FAAP100: variants seen among roughly 807,000 people sequenced by gnomAD.
FAAP100 encodes the protein FA core complex associated protein 100.
In FAAP100, 46 loss-of-function variants were observed where a neutral mutation model predicts 65.8. The observed-to-expected ratio is 0.70, with a 90% CI of 0.55 to 0.89. The LOEUF is 0.89. Among genes scored for constraint, FAAP100 ranks in the 40% least tolerant of loss-of-function variants. The pLI is 0.00. For missense variants in FAAP100, 1,165 were observed against 1,196.7 expected, an observed-to-expected ratio of 0.97 and a Z score of 0.39; for synonymous variants, 663 against 555.1, an observed-to-expected ratio of 1.19 and a Z score of -2.73.
rs576168698 is a variant in FAAP100, at chr17:81,550,870, C to A, written c.624G>T (p.Pro208=). ...CSVSPSGSRV[P]HDLLGGSGGF... ...CCCCGGAGCCCCCGAGGAGGTCGTG[C>A]GGGACCCTGGAGCCTGATGGTGACA... Residue 208 remains proline (P), a synonymous_variant, in exon 3 of 9, where the codon CCG becomes CCT. Transcript: ENST00000327787. 6.2e-7 allele frequency: 1 copy of A among 1,611,930 alleles called. No individual in the cohort carries two copies. The highest frequency in any genetic ancestry group is 8.5e-7 in the Non-Finnish European group (1 of 1,179,564).
At chr17:81,545,196 C>T (rs1451261038) in intron 6 of FAAP100, among the ~76,000 whole-genome samples, 1 of 152,242 alleles carries the variant, frequency 6.6e-6, no homozygotes, top group Non-Finnish European at 1.5e-5. Context: ...AGTGCAGACT[C>T]TGAGCCCCAG....
At position 81,540,524 on chromosome 17, in the gene FAAP100, G is replaced by A; in HGVS notation, c.*295C>T. 4.7e-6 allele frequency: 2 copies of A among 423,138 alleles called. No individual in the cohort carries two copies. The highest frequency in any genetic ancestry group is 1.7e-4 in the South Asian group (2 of 11,902). 26.2% of individuals were successfully genotyped at this position (423,138 alleles called of 1,614,324 possible). ...GGTGGTGGGAAGGCTGCCCAGCAGTGAGGAAGGCGAGTGCAGGGGCTGCGG... is the reference window on the plus strand; with the variant it reads ...GGTGGTGGGAAGGCTGCCCAGCAGTAAGGAAGGCGAGTGCAGGGGCTGCGG... On this transcript the variant is annotated 3_prime_UTR_variant, in exon 9 of 9. Coordinates refer to ENST00000327787, the MANE Select transcript of FAAP100 (RefSeq NM_025161.6).
At chr17:81,547,843 C>A in intron 4 of FAAP100, 165 bp from the exon 5 acceptor site, 1 of 880,164 alleles carries the variant, frequency 1.1e-6, no homozygotes, top group Non-Finnish European at 1.8e-6. Context: ...GCATGTTTCT[C>A]CCGGCCCCAC....
chr17:81,547,378 G>C lies in FAAP100; in HGVS notation c.1704C>G (p.Pro568=), dbSNP rs1413655321. ...SACSAITYTI[P]VDQLGPGARR... ...GAGCACCGGGGCCGAGCTGGTCCAC[G>C]GGGATGGTGTAGGTGATGGCGGAGC... Residue 568 remains proline, a synonymous_variant, in exon 5 of 9, where the codon CCC becomes CCG. Transcript: ENST00000327787. 4 of 1,612,864 alleles carry C rather than the reference G, an allele frequency of 2.5e-6. No homozygotes were observed. The South Asian group carries it at 4.4e-5, about 18-fold the overall frequency.
At position 81,552,043 on chromosome 17, in the gene FAAP100, G is replaced by C. The variant is rs919697767; in HGVS notation, c.175C>G (p.Arg59Gly). The C allele has an allele frequency of 2.0e-6, 3 of 1,527,542 alleles. No individual in the cohort carries two copies. Among genetic ancestry groups the C allele is most frequent in the African/African-American group, 1.4e-5 (1 of 69,602 alleles). The allele number at this position is 1,527,542 out of a possible 1,614,324, so 94.6% of individuals were successfully genotyped here. A position where few individuals can be genotyped will look rare whatever the true frequency, so the allele number is the denominator to read the frequency against. Residue 59 changes from arginine (R) to glycine (G), a missense_variant, in exon 2 of 9, where the codon CGG (arginine) becomes GGG (glycine). Coordinates refer to ENST00000327787, the MANE Select transcript of FAAP100 (RefSeq NM_025161.6). ...QEGGLLTAAF[R>G]FPDQVWHLEL... Reference sequence around the variant, plus strand: ...AGGTGCCACACCTGGTCGGGGAACCGGAACGCCGCCTGCGGACCGGGGCGC... The same window carrying C: ...AGGTGCCACACCTGGTCGGGGAACCCGAACGCCGCCTGCGGACCGGGGCGC...
chr17:81,540,223 C>A lies in FAAP100; in HGVS notation c.*596G>T, dbSNP rs1691075570. On this transcript the variant is annotated 3_prime_UTR_variant, in exon 9 of 9. Transcript: ENST00000327787. Reference sequence around the variant, plus strand: ...TTGGTGTGGCACGAGACCACGGGCACTTGCAGGAGCTCCCTGCATGCTGTT... The same window carrying A: ...TTGGTGTGGCACGAGACCACGGGCAATTGCAGGAGCTCCCTGCATGCTGTT... 1 of 398,908 alleles carries A rather than the reference C, an allele frequency of 2.5e-6. No individual in the cohort carries two copies. The highest frequency in any genetic ancestry group is 4.4e-6 in the Non-Finnish European group (1 of 226,208). The allele number at this position is 398,908 out of a possible 1,614,324, so 24.7% of individuals were successfully genotyped here.
chr17:81,549,130 G>A, intron 4 of FAAP100, 76 bp downstream of exon 4: 1 of 1,544,098 alleles, frequency 6.5e-7, no homozygotes, highest in East Asian at 2.4e-5. Flanking sequence ...TCACACCCAG[G>A]ACGACCCCAC....
chr17:81,548,814 C>T (rs949552520), intron 4 of FAAP100, among the ~76,000 whole-genome samples: 4 of 151,448 alleles, frequency 2.6e-5, no homozygotes, highest in Admixed American at 6.6e-5. Context: ...CTGAGGCAGA[C>T]GGATCACGAG....
intron 6 of FAAP100, 91 bp downstream of exon 6, chr17:81,545,655 C>G: frequency 6.8e-7 from 1 of 1,469,076 alleles, no homozygotes; most frequent in African/African-American, 1.4e-5. Context: ...AGGCCCCCAC[C>G]CAGGGTGAGG....
chr17:81,545,803 T>C lies in FAAP100; in HGVS notation c.2253A>G (p.Leu751=). Residue 751 remains leucine (L), a synonymous_variant, in exon 6 of 9, where the codon CTA becomes CTG. Coordinates refer to ENST00000327787, the MANE Select transcript of FAAP100 (RefSeq NM_025161.6). The part of the protein sequence containing the change: ...AAVDVVRARA[L]SSIQGVAPDG... ...CAGGGGCCACTCCCTGGATGGAAGA[T>C]AGTGCTCGGGCCCTCACGACGTCCA... 1.2e-6 allele frequency: 2 copies of C among 1,612,254 alleles called. No homozygotes were observed. The highest frequency in any genetic ancestry group is 2.2e-5 in the East Asian group (1 of 44,884).
intron 6 of FAAP100, among the ~76,000 whole-genome samples, chr17:81,545,421 C>T (rs1357255070): frequency 2.0e-5 from 3 of 152,330 alleles, no homozygotes; most frequent in South Asian, 2.1e-4. Context: ...AGAGGGTTAG[C>T]GGGGCTGCTG....
chr17:81,541,440 C>T, intron 7 of FAAP100, 45 bp from the exon 8 acceptor site: 1 of 1,512,542 alleles, frequency 6.6e-7, no homozygotes, highest in Non-Finnish European at 9.1e-7. Context: ...GCCCCAGCAC[C>T]TGCCCCCACA....
At chr17:81,547,816 G>A in intron 4 of FAAP100, 138 bp from the exon 5 acceptor site, 3 of 1,077,430 alleles carry the variant, frequency 2.8e-6, no homozygotes, top group Non-Finnish European at 4.2e-6. Context: ...GCCAGAGAGT[G>A]AGCCCCCGCC....
chr17:81,550,374 C>A lies in FAAP100; in HGVS notation c.1120G>T (p.Gly374Ter). The A allele has an allele frequency of 6.2e-7, 1 of 1,612,796 alleles. No individual in the cohort carries two copies. Among genetic ancestry groups the A allele is most frequent in the Non-Finnish European group, 8.5e-7 (1 of 1,180,004 alleles). Residue 374 changes from glycine (G) to a stop codon, truncating the protein, a stop_gained, in exon 3 of 9, where the codon GGA becomes TGA. Transcript: ENST00000327787. LOFTEE classifies it high-confidence loss of function. ...TGCTCAGGGCCCAGCGGGGTGCTTC[C>A]CCGAGACAGATCCACCACACAGAGG... ...SDLCVVDLSR[G>*]STPLGPEQPE...
Position 81,540,840 on chromosome 17 carries a change from G to T in FAAP100, c.2625C>A (p.His875Gln). 6.5e-7 allele frequency: 1 copy of T among 1,539,314 alleles called. No homozygotes were observed. ...RLLQVYRQLR[H>Q]PSLILL Reference sequence around the variant, plus strand: ...CTGGTCACAGCAGGATGAGGCTGGGGTGGCGCAGCTGCCGGTACACCTGTA... The same window carrying T: ...CTGGTCACAGCAGGATGAGGCTGGGTTGGCGCAGCTGCCGGTACACCTGTA... The change falls in exon 9 of 9, where the codon CAC becomes CAA. Residue 875 changes from histidine to glutamine, a missense_variant. By Grantham distance (24) the His-to-Gln change is conservative. Coordinates refer to ENST00000327787, the MANE Select transcript of FAAP100 (RefSeq NM_025161.6).
chr17:81,544,231 T>C, intron 6 of FAAP100, 111 bp from the exon 7 acceptor site: 13 of 833,498 alleles, frequency 1.6e-5, no homozygotes, highest in Non-Finnish European at 3.9e-6. Flanking sequence ...CCTGAGATGG[T>C]CCCAACCCCC....
intron 4 of FAAP100, 141 bp from the exon 5 acceptor site, chr17:81,547,819 C>G (rs749671174): frequency 9.4e-7 from 1 of 1,060,950 alleles, no homozygotes; most frequent in African/African-American, 1.6e-5. Flanking sequence ...AGAGAGTGAG[C>G]CCCCGCCCCA....
intron 5 of FAAP100, among the ~76,000 whole-genome samples, 181 bp from the exon 6 acceptor site, chr17:81,546,063 G>A (rs567304080): frequency 7.2e-5 from 11 of 152,362 alleles, no homozygotes; most frequent in Non-Finnish European, 1.3e-4. Context: ...GAGGAAGGAG[G>A]CCACTGCTCA....
intron 2 of FAAP100, chr17:81,551,709 T>TTAA (rs1318794719): frequency 3.7e-6 from 5 of 1,334,284 alleles, no homozygotes; most frequent in Admixed American, 7.9e-5. Context: ...CGCCGTGGGC[T>TTAA]TAACCATGTG....
Sources: allele counts gnomAD v4.1 joint callset (sites outside exome capture counted in the v4.1 genomes callset), GRCh38; gene constraint gnomAD v4.1.1; transcripts MANE v1.5; gene names NCBI Gene and HGNC (gene_info 2026-07-23, HGNC 2026-07-21).